DSP: variants seen among roughly 807,000 people sequenced by gnomAD.
DSP encodes desmoplakin.
Under a neutral mutation model 290.6 loss-of-function variants are expected in DSP, and 114 were observed. The ratio of observed to expected loss-of-function variants is 0.39; its 90% CI spans 0.34 to 0.46. The LOEUF is 0.46. Ranked by LOEUF, DSP falls within the 20% of genes least tolerant of loss-of-function variation. The probability of loss-of-function intolerance (pLI) is 0.99; values close to 1 mark genes in which losing one functional copy is unlikely to be tolerated. For missense variants in DSP, 3,230 were observed against 3,495.8 expected, an observed-to-expected ratio of 0.92 and a Z score of 1.92; for synonymous variants, 1,311 against 1,316.4, an observed-to-expected ratio of 1.00 and a Z score of 0.09.
chr6:7,558,147 C>G lies in DSP; in HGVS notation c.305C>G (p.Thr102Ser). The change falls in exon 3 of 24, where the codon ACT (threonine) becomes AGT (serine). Residue 102 changes from threonine (T) to serine (S), a missense_variant. Thr to Ser is a moderately conservative substitution (Grantham distance 58). Around this residue, in one of 5 missense-constraint regions of DSP, gnomAD observed 646 missense variants for 684.3 expected, o/e 0.94. Coordinates refer to ENST00000379802, the MANE Select transcript of DSP (RefSeq NM_004415.4). ...ELKYGDGIQL[T>S]RSRELDECFA... Reference sequence around the variant, plus strand: ...AAGTATGGAGATGGAATACAACTGACTCGGAGTCGAGAATTGGATGAGTGT... The same window carrying G: ...AAGTATGGAGATGGAATACAACTGAGTCGGAGTCGAGAATTGGATGAGTGT... 1 of 1,614,200 alleles carries G rather than the reference C, an allele frequency of 6.2e-7. No homozygotes were observed. Among genetic ancestry groups the G allele is most frequent in the East Asian group, 2.2e-5 (1 of 44,890 alleles).
chr6:7,567,033 G>C (rs1335490287), intron 8 of DSP, among the ~76,000 whole-genome samples: 1 of 152,164 alleles, frequency 6.6e-6, no homozygotes, highest in African/African-American at 2.4e-5. Context: ...ACAGGGCTCG[G>C]TGTGGCAAAG....
rs1005621727 is a variant in DSP, at chr6:7,585,678, G to A, written c.8416G>A (p.Ala2806Thr). The A allele has an allele frequency of 2.5e-6, 4 of 1,614,208 alleles. No individual in the cohort carries two copies. The highest frequency in any genetic ancestry group is 3.4e-6 in the Non-Finnish European group (4 of 1,180,038). Reference protein sequence around the residue: ...DITGLRLLEAASVSSKGLPSP... With the variant: ...DITGLRLLEATSVSSKGLPSP... ...CACTGGGCTGCGCCTTCTGGAAGCC[G>A]CCTCCGTGTCGTCCAAGGGCTTACC... The change falls in exon 24 of 24, where the codon GCC (alanine) becomes ACC (threonine). Residue 2806 changes from alanine to threonine, a missense_variant. Transcript: ENST00000379802.
chr6:7,558,384 AG>A, intron 3 of DSP, 120 bp downstream of exon 3: 1 of 1,419,152 alleles, frequency 7.0e-7, no homozygotes, highest in South Asian at 1.2e-5. Flanking sequence ...TCCCAAGGAA[AG>A]GTTTGCTTAC....
chr6:7,542,943 G>A (rs1353153329), intron 1 of DSP, among the ~76,000 whole-genome samples: 1 of 152,194 alleles, frequency 6.6e-6, no homozygotes, highest in Non-Finnish European at 1.5e-5. Flanking sequence ...AGGGGAGTGG[G>A]GGGGTGGGAG....
chr6:7,574,177 A>G lies in DSP; in HGVS notation c.2222A>G (p.Tyr741Cys), dbSNP rs747762241. The G allele has an allele frequency of 2.5e-6, 4 of 1,613,952 alleles. No homozygotes were observed. The highest frequency in any genetic ancestry group is 1.1e-5 in the South Asian group (1 of 91,074). Residue 741 changes from tyrosine to cysteine, a missense_variant, in exon 16 of 24, where the codon TAT (tyrosine) becomes TGT (cysteine). Tyr to Cys is a radical substitution (Grantham distance 194). This residue lies in a region of DSP where 1,714 missense variants were observed against 1,844.5 expected (regional missense o/e 0.93). Transcript: ENST00000379802. Reference protein sequence around the residue: ...ANFRGSEKYCYLQNEVFGLFQ... With the variant: ...ANFRGSEKYCCLQNEVFGLFQ... Reference sequence around the variant, plus strand: ...TTCAGAGGTTCTGAAAAGTACTGCTATTTACAGAATGAAGTATTTGGACTA... The same window carrying G: ...TTCAGAGGTTCTGAAAAGTACTGCTGTTTACAGAATGAAGTATTTGGACTA...
intron 1 of DSP, among the ~76,000 whole-genome samples, chr6:7,552,421 G>A: frequency 6.6e-6 from 1 of 151,672 alleles, no homozygotes; most frequent in Non-Finnish European, 1.5e-5. Flanking sequence ...AAAATAGCTG[G>A]GCGTGGTGGT....
Position 7,559,351 on chromosome 6 carries a change from T to A in DSP, c.548T>A (p.Phe183Tyr). The change falls in exon 4 of 24, where the codon TTC (phenylalanine) becomes TAC (tyrosine). Residue 183 changes from phenylalanine to tyrosine, a missense_variant. Around this residue, in one of 5 missense-constraint regions of DSP, gnomAD observed 646 missense variants for 684.3 expected, o/e 0.94. Coordinates refer to ENST00000379802, the MANE Select transcript of DSP (RefSeq NM_004415.4). ...CAGAGTGGCTCTGGCTGGGATGAGT[T>A]CACCAAACATGTCACCAGTGAATGT... ...TCQSGSGWDE[F>Y]TKHVTSECLG... 1 of 1,613,492 alleles carries A rather than the reference T, an allele frequency of 6.2e-7. No individual in the cohort carries two copies. The highest frequency in any genetic ancestry group is 1.3e-5 in the African/African-American group (1 of 75,024).
rs1287814184 is a variant in DSP at position 7,570,455 on chromosome 6, A to T, written c.1593A>T (p.Glu531Asp). 1 of 1,614,032 alleles carries T rather than the reference A, an allele frequency of 6.2e-7. No homozygotes were observed. The highest frequency in any genetic ancestry group is 8.5e-7 in the Non-Finnish European group (1 of 1,180,036). The change falls in exon 13 of 24, where the codon GAA becomes GAT. Residue 531 changes from glutamate (E) to aspartate (D), a missense_variant. This residue lies in a region of DSP where 646 missense variants were observed against 684.3 expected (regional missense o/e 0.94). Transcript: ENST00000379802. Reference sequence around the variant, plus strand: ...CTCTTAGGATTGAGCAGTACTACGAAGCCATCTTGGCTCTGTGGAACCAGC... The same window carrying T: ...CTCTTAGGATTGAGCAGTACTACGATGCCATCTTGGCTCTGTGGAACCAGC... ...DLSCKIEQYY[E>D]AILALWNQLY... is the part of the protein sequence containing the mutation.
rs1759337779 is a variant in DSP at position 7,579,208 on chromosome 6, A to G, written c.3085-67A>G. 10 of 1,591,858 alleles carry G rather than the reference A, an allele frequency of 6.3e-6. No individual in the cohort carries two copies. The Admixed American group carries it at 1.7e-4, about 28-fold the overall frequency. On this transcript the variant is annotated intron_variant, in intron 22 of 23. Transcript: ENST00000379802. The surrounding 1 kb of genome is among the most constrained non-coding windows in gnomAD (Gnocchi z 4.1). ...ATGCACATTGGTCTGGGAGGGGAAAAGTACTGCTTCTTTCTTGGAATGTGA... is the reference window on the plus strand; with the variant it reads ...ATGCACATTGGTCTGGGAGGGGAAAGGTACTGCTTCTTTCTTGGAATGTGA...
At position 7,579,323 on chromosome 6, in the gene DSP, C is replaced by G. The variant is rs1554108012; in HGVS notation, c.3133C>G (p.Arg1045Gly). Residue 1045 changes from arginine (R) to glycine (G), a missense_variant, in exon 23 of 24, where the codon CGA becomes GGA. Physicochemically the swap from Arg to Gly is moderately radical, Grantham distance 125 (BLOSUM62 -2). Coordinates refer to ENST00000379802, the MANE Select transcript of DSP (RefSeq NM_004415.4). This position sits in a 1 kb window ranked among gnomAD's most constrained non-coding sequence, Gnocchi z 4.1. ...TTTGGAAGAGGAGCTCAGACTGGCC[C>G]GAGATGCCAACTCGGAAAACTGTAA... ...EVLEEELRLA[R>G]DANSENCNKN... is the part of the protein sequence containing the mutation. 6.2e-7 allele frequency: 1 copy of G among 1,614,108 alleles called. No homozygotes were observed. Among genetic ancestry groups the G allele is most frequent in the South Asian group, 1.1e-5 (1 of 91,080 alleles).
At chr6:7,569,508 TA>T (rs1283048217) in intron 12 of DSP, among the ~76,000 whole-genome samples, 168 bp downstream of exon 12, 5 of 152,226 alleles carry the variant, frequency 3.3e-5, no homozygotes, top group Admixed American at 1.3e-4. Flanking sequence ...CTTGCAATTT[TA>T]TGTTGAATAG....
Position 7,579,518 on chromosome 6 carries a change from A to G in DSP, c.3328A>G (p.Lys1110Glu). ...CGGCCAAATAAAAGAACTCAATGAG[A>G]AGATCACCCGACTGACTTATGAGAT... ...CYGQIKELNE[K>E]ITRLTYEIED... The change falls in exon 23 of 24, where the codon AAG becomes GAG. Residue 1110 changes from lysine (K) to glutamate (E), a missense_variant. Coordinates refer to ENST00000379802, the MANE Select transcript of DSP (RefSeq NM_004415.4). This position sits in a 1 kb window ranked among gnomAD's most constrained non-coding sequence, Gnocchi z 4.1. 6.2e-7 allele frequency: 1 copy of G among 1,614,016 alleles called. No individual in the cohort carries two copies. Among genetic ancestry groups the G allele is most frequent in the Non-Finnish European group, 8.5e-7 (1 of 1,180,040 alleles).
intron 12 of DSP, among the ~76,000 whole-genome samples, 195 bp from the exon 13 acceptor site, chr6:7,570,242 A>G (rs1267702018): frequency 3.9e-5 from 6 of 152,254 alleles, no homozygotes; most frequent in Non-Finnish European, 8.8e-5. Flanking sequence ...CCAATAATGT[A>G]GATAATTCAG....
Position 7,581,026 on chromosome 6 carries a change from C to T in DSP, c.4836C>T (p.Ile1612=), listed in dbSNP as rs886039056. The T allele has an allele frequency of 1.9e-6, 3 of 1,613,888 alleles. No homozygotes were observed. Among genetic ancestry groups the T allele is most frequent in the Non-Finnish European group, 2.5e-6 (3 of 1,180,020 alleles). The change falls in exon 23 of 24, where the codon ATC becomes ATT. Residue 1612 remains isoleucine, a synonymous_variant. Transcript: ENST00000379802. ...CGCTGAAGGAGCAAGCCATCAAAAT[C>T]ACCAACCTGACCCAGCAGCTGGAGC... ...RRSLKEQAIK[I]TNLTQQLEQA...
rs771464271 is a variant in DSP, at chr6:7,565,633, A to G, written c.939+113A>G. The G allele has an allele frequency of 2.1e-6, 3 of 1,401,848 alleles. No individual in the cohort carries two copies. Among genetic ancestry groups the G allele is most frequent in the Non-Finnish European group, 3.0e-6 (3 of 1,007,324 alleles). 86.8% of individuals were successfully genotyped at this position (1,401,848 alleles called of 1,614,324 possible). On this transcript the variant is annotated intron_variant, in intron 7 of 23. Transcript: ENST00000379802. The surrounding 1 kb of genome is among the most constrained non-coding windows in gnomAD (Gnocchi z 4.2). ...TAATTTAATCAGCCACTTGCAATTC[A>G]GCCTTCTTTGAAATGGTCGTGAAAA...
chr6:7,582,578 G>A lies in DSP; in HGVS notation c.5380-64G>A, dbSNP rs1255761945. 7.2e-6 allele frequency: 10 copies of A among 1,385,258 alleles called. No homozygotes were observed. The highest frequency in any genetic ancestry group is 2.1e-4 in the Middle Eastern group (1 of 4,798). The allele number at this position is 1,385,258 out of a possible 1,614,324, so 85.8% of individuals were successfully genotyped here. ...TAGATACACAAAAGAAAGTTAAGTCGTGATAGTAATATGATATGATTCAAA... is the reference window on the plus strand; with the variant it reads ...TAGATACACAAAAGAAAGTTAAGTCATGATAGTAATATGATATGATTCAAA... On this transcript the variant is annotated intron_variant, in intron 23 of 23. Coordinates refer to ENST00000379802, the MANE Select transcript of DSP (RefSeq NM_004415.4). The surrounding 1 kb of genome is among the most constrained non-coding windows in gnomAD (Gnocchi z 4.2).
In DSP at chr6:7,579,344, T is replaced by C; in HGVS notation, c.3154T>C (p.Cys1052Arg). ...GGCCCGAGATGCCAACTCGGAAAAC[T>C]GTAATAAGAACAAATTCCTGGATCA... ...RLARDANSEN[C>R]NKNKFLDQNL... is the part of the protein sequence containing the mutation. Residue 1052 changes from cysteine to arginine, a missense_variant, in exon 23 of 24, where the codon TGT becomes CGT. By Grantham distance (180) the Cys-to-Arg change is radical. Coordinates refer to ENST00000379802, the MANE Select transcript of DSP (RefSeq NM_004415.4). This position sits in a 1 kb window ranked among gnomAD's most constrained non-coding sequence, Gnocchi z 4.1. 2 of 1,614,060 alleles carry C rather than the reference T, an allele frequency of 1.2e-6. No individual in the cohort carries two copies. The highest frequency in any genetic ancestry group is 1.1e-5 in the South Asian group (1 of 91,072).
chr6:7,554,808 C>G (rs942936003), intron 1 of DSP, among the ~76,000 whole-genome samples: 4 of 152,028 alleles, frequency 2.6e-5, no homozygotes, highest in Non-Finnish European at 5.9e-5. Context: ...CCATGTTTGG[C>G]TAATTTAAAA....
In DSP at chr6:7,583,931, A is replaced by T. The variant is rs1759544387; in HGVS notation, c.6669A>T (p.Val2223=). 1.2e-6 allele frequency: 2 copies of T among 1,614,052 alleles called. No individual in the cohort carries two copies. The highest frequency in any genetic ancestry group is 8.5e-7 in the Non-Finnish European group (1 of 1,180,042). ...IRQPVTVTEL[V]DSGILRPSTV... is the part of the protein sequence containing the mutation. ...AACCTGTGACCGTCACTGAGCTAGT[A>T]GATTCTGGTATATTGAGACCGTCCA... Residue 2223 remains valine (V), a synonymous_variant, in exon 24 of 24, where the codon GTA becomes GTT. Coordinates refer to ENST00000379802, the MANE Select transcript of DSP (RefSeq NM_004415.4). The surrounding 1 kb of genome is among the most constrained non-coding windows in gnomAD (Gnocchi z 4.0).
Sources: allele counts gnomAD v4.1 joint callset (sites outside exome capture counted in the v4.1 genomes callset), GRCh38; gene constraint gnomAD v4.1.1; regional missense constraint gnomAD v4.1.1; non-coding constraint Gnocchi (gnomAD v3.1); transcripts MANE v1.5; gene names NCBI Gene and HGNC (gene_info 2026-07-23, HGNC 2026-07-21).